NLGN4X: variants seen among roughly 807,000 people sequenced by gnomAD.
NLGN4X encodes the protein neuroligin-4, X-linked.
A neutral mutation model predicts 40.3 loss-of-function variants in NLGN4X; 3 were observed. The observed-to-expected ratio is 0.07, with a 90% CI of 0.03 to 0.19. The LOEUF (loss-of-function observed/expected upper bound fraction) is 0.19, where lower values mean the gene tolerates loss of function less well. Among genes scored for constraint, NLGN4X ranks in the 10% least tolerant of loss-of-function variants. The pLI, the probability that NLGN4X is intolerant of heterozygous loss-of-function variation, is 1.00. For missense variants in NLGN4X, 382 were observed against 708.3 expected (o/e 0.54, Z 5.23); for synonymous variants, 270 against 306.8 (o/e 0.88, Z 1.25).
intron 2 of NLGN4X, among the ~76,000 whole-genome samples, chrX:6,055,470 G>A (rs1164539723): frequency 9.0e-6 from 1 of 111,657 alleles, no homozygotes; most frequent in Non-Finnish European, 1.9e-5. Flanking sequence ...AAAAGAGCAA[G>A]ACACTGAGAA....
At chrX:6,065,828 T>A (rs748639430) in intron 2 of NLGN4X, among the ~76,000 whole-genome samples, 1 of 112,209 alleles carries the variant, frequency 8.9e-6, no homozygotes, top group South Asian at 3.7e-4. Flanking sequence ...TATACTATGT[T>A]ATTTTTTAAG....
chrX:6,167,339 A>C (rs182506934), intron 1 of NLGN4X, among the ~76,000 whole-genome samples: 1 of 111,892 alleles, frequency 8.9e-6, no homozygotes, highest in African/African-American at 3.2e-5. Flanking sequence ...GGGCAGGGAG[A>C]TCTTTCCCAA....
Position 5,903,832 on chromosome X carries a change from G to A in NLGN4X, c.846C>T (p.Thr282=), listed in dbSNP as rs9699286. 1.3e-5 allele frequency: 16 copies of A among 1,210,138 alleles called. No homozygotes were observed. The highest frequency in any genetic ancestry group is 8.7e-5 in the Admixed American group (4 of 45,774). ...LFQKAIIQSG[T]ALSSWAVNYQ... is the part of the protein sequence containing the mutation. ...AGTTCACTGCCCAGCTGGACAGGGC[G>A]GTGCCGCTCTGAATGATGGCCTTCT... is the stretch of plus-strand genomic sequence containing the variant. Residue 282 remains threonine, a synonymous_variant, in exon 5 of 6, where the codon ACC becomes ACT. Transcript: ENST00000381095.
At chrX:6,156,320 T>G (rs1218459511) in intron 1 of NLGN4X, among the ~76,000 whole-genome samples, 9 of 111,578 alleles carry the variant, frequency 8.1e-5, no homozygotes, top group African/African-American at 2.9e-4. Context: ...CCATCCTGGC[T>G]AACACAGTGA....
chrX:6,196,470 T>C (rs1244182579), intron 1 of NLGN4X, among the ~76,000 whole-genome samples: 12 of 96,432 alleles, frequency 1.2e-4, no homozygotes, highest in Admixed American at 3.9e-4. Context: ...GAGAATGGCG[T>C]GAACCCGGGA....
At chrX:6,050,219 G>A (rs149781582) in intron 2 of NLGN4X, among the ~76,000 whole-genome samples, 2 of 111,857 alleles carry the variant, frequency 1.8e-5, no homozygotes, top group African/African-American at 6.5e-5. Context: ...CTGAATTCCT[G>A]CTGTGAAAAT....
chrX:6,124,477 T>G (rs1602274242), intron 2 of NLGN4X, among the ~76,000 whole-genome samples: 1 of 110,971 alleles, frequency 9.0e-6, no homozygotes, highest in South Asian at 3.8e-4. Flanking sequence ...AGGCCAGGAG[T>G]TGGAGACCAG....
At chrX:6,143,653 T>C (rs765352384) in intron 2 of NLGN4X, among the ~76,000 whole-genome samples, 14 of 112,047 alleles carry the variant, frequency 1.2e-4, no homozygotes, top group Non-Finnish European at 2.3e-4. Context: ...TTTAGGACAA[T>C]TGGCCATGAG....
intron 2 of NLGN4X, among the ~76,000 whole-genome samples, chrX:6,031,029 T>C (rs975835785): frequency 1.8e-5 from 2 of 112,142 alleles, no homozygotes; most frequent in Admixed American, 9.5e-5. Context: ...TCATAAAATA[T>C]AGAACAAGAC....
intron 3 of NLGN4X, among the ~76,000 whole-genome samples, chrX:5,964,584 G>C (rs759653666): frequency 9.0e-6 from 1 of 111,486 alleles, no homozygotes; most frequent in East Asian, 2.8e-4. Flanking sequence ...ATAGCTCAGC[G>C]TATCTTTGAA....
At chrX:6,197,427 A>ATTTTTTTTTTTTTTTTTTTT (rs72412595) in intron 1 of NLGN4X, among the ~76,000 whole-genome samples, 3 of 79,469 alleles carry the variant, frequency 3.8e-5, no homozygotes, top group Non-Finnish European at 8.5e-5. Flanking sequence ...ATGCTCAGCT[A>ATTTTTTTTTTTTTTTTTTTT]TTTTTTTTTT....
At chrX:6,040,394 G>A (rs4826831) in intron 2 of NLGN4X, among the ~76,000 whole-genome samples, 1 of 109,877 alleles carries the variant, frequency 9.1e-6, no homozygotes, top group African/African-American at 3.3e-5. Flanking sequence ...CCATTTTATT[G>A]ATTTTTAATT....
chrX:5,892,682 G>C lies in NLGN4X; in HGVS notation c.*135C>G. The C allele has an allele frequency of 1.1e-6, 1 of 940,145 alleles. No homozygotes were observed. The allele number at this position is 940,145 out of a possible 1,213,427, so 77.5% of individuals were successfully genotyped here. ...GGGATGACTGCCTTTTTGCATTTTT[G>C]TCTTAAGTCAGTGGGACAAAAACAT... is the stretch of plus-strand genomic sequence containing the variant. On this transcript the variant is annotated 3_prime_UTR_variant, in exon 6 of 6. Transcript: ENST00000381095.
intron 2 of NLGN4X, among the ~76,000 whole-genome samples, chrX:6,102,613 A>G (rs1021322093): frequency 1.2e-4 from 9 of 72,590 alleles, no homozygotes; most frequent in African/African-American, 3.8e-4. Context: ...AATTTGCTGA[A>G]CTAAGAGAGA....
chrX:5,903,667 G>A lies in NLGN4X; in HGVS notation c.1011C>T (p.His337=), dbSNP rs2032017994. Reference sequence around the variant, plus strand: ...CGTCGATCACCGGCCCGAAGGCTATGTGGTAGGTGGCCGGGGTGATGGTCT... The same window carrying A: ...CGTCGATCACCGGCCCGAAGGCTATATGGTAGGTGGCCGGGGTGATGGTCT... ...IQQTITPATY[H]IAFGPVIDGD... The change falls in exon 5 of 6, where the codon CAC becomes CAT. Residue 337 remains histidine (H), a synonymous_variant. Coordinates refer to ENST00000381095, the MANE Select transcript of NLGN4X (RefSeq NM_181332.3). The A allele has an allele frequency of 8.3e-7, 1 of 1,210,133 alleles. No homozygotes were observed. The highest frequency in any genetic ancestry group is 1.8e-5 in the African/African-American group (1 of 57,138).
chrX:6,004,760 C>T (rs1318331331), intron 3 of NLGN4X, among the ~76,000 whole-genome samples: 2 of 111,716 alleles, frequency 1.8e-5, no homozygotes, highest in Non-Finnish European at 3.8e-5. Flanking sequence ...ACCCTGTTTC[C>T]CCCATTCCCT....
At chrX:6,125,039 T>G (rs2039511182) in intron 2 of NLGN4X, among the ~76,000 whole-genome samples, 2 of 112,426 alleles carry the variant, frequency 1.8e-5, no homozygotes, top group African/African-American at 6.5e-5. Context: ...TGTATATGTG[T>G]GCATGTGCCT....
At chrX:6,176,196 A>C (rs1488994622) in intron 1 of NLGN4X, among the ~76,000 whole-genome samples, 2 of 111,528 alleles carry the variant, frequency 1.8e-5, no homozygotes, top group Non-Finnish European at 3.8e-5. Flanking sequence ...GACAGTAAAA[A>C]TCACTTTGTC....
chrX:6,074,738 T>C (rs2038153360), intron 2 of NLGN4X, among the ~76,000 whole-genome samples: 1 of 111,507 alleles, frequency 9.0e-6, no homozygotes, highest in Non-Finnish European at 1.9e-5. Context: ...AATGAAATCA[T>C]GAGACAAGAG....
Sources: gnomAD v4.1 joint callset for allele counts (sites outside exome capture counted in the v4.1 genomes callset) on GRCh38, gnomAD v4.1.1 for gene constraint, MANE v1.5 for transcripts, NCBI Gene and HGNC (gene_info 2026-07-23, HGNC 2026-07-21) for gene names.